KIF6: variants seen among roughly 807,000 people sequenced by gnomAD.
The protein encoded by KIF6 is kinesin-like protein KIF6.
KIF6 carries 106 observed loss-of-function variants against 112.7 expected under a neutral mutation model. That is an observed-to-expected ratio of 0.94 (90% CI 0.80 to 1.11). KIF6 has a LOEUF of 1.11. Among genes scored for constraint, KIF6 ranks in the 50% least tolerant of loss-of-function variants. KIF6 has a pLI of 0.00. For synonymous variants in KIF6, 339 were observed against 339.9 expected, an observed-to-expected ratio of 1.00 and a Z score of 0.03; for missense variants, 929 against 964.0, an observed-to-expected ratio of 0.96 and a Z score of 0.48.
chr6:39,659,697 G>C (rs1418179231), intron 3 of KIF6, among the ~76,000 whole-genome samples: 2 of 152,170 alleles, frequency 1.3e-5, no homozygotes, highest in Non-Finnish European at 2.9e-5. Flanking sequence ...ATGTGAAGAA[G>C]GACATGTTTG....
Position 39,725,279 on chromosome 6 carries a change from C to T in KIF6, c.32G>A (p.Arg11Lys), listed in dbSNP as rs971860140. The T allele has an allele frequency of 1.2e-6, 2 of 1,611,176 alleles. No individual in the cohort carries two copies. The highest frequency in any genetic ancestry group is 2.2e-5 in the East Asian group (1 of 44,538). ...GTGCTTCCGGACAGGGGGCTTCACC[C>T]TCGCGAATATCTGGATAGTCTGCTT... MVKQTIQIFA[R>K]VKPPVRKHQQ... The change falls in exon 1 of 23, where the codon AGG (arginine) becomes AAG (lysine). Residue 11 changes from arginine to lysine, a missense_variant. Arg to Lys is a conservative substitution (Grantham distance 26). Transcript: ENST00000287152.
At chr6:39,706,206 A>G (rs1789198509) in intron 3 of KIF6, among the ~76,000 whole-genome samples, 1 of 152,202 alleles carries the variant, frequency 6.6e-6, no homozygotes, top group Non-Finnish European at 1.5e-5. Flanking sequence ...ATCAAAAATT[A>G]TGAATAACTT....
chr6:39,354,154 G>T lies in KIF6; in HGVS notation c.2180+3123C>A. On this transcript the variant is annotated intron_variant, in intron 19 of 22. Coordinates refer to ENST00000287152, the MANE Select transcript of KIF6 (RefSeq NM_145027.6). ...AGGCATGGCTAGCATGTGACCTGCT[G>T]CCCTGCAACGGTGACCTGCTGGCTA... The T allele has an allele frequency of 1.2e-5, 4 of 341,664 alleles. 1 individual carries two copies. The highest frequency in any genetic ancestry group is 7.5e-5 in the South Asian group (3 of 40,116). 21.2% of individuals were successfully genotyped at this position (341,664 alleles called of 1,614,324 possible). A position where few individuals can be genotyped will look rare whatever the true frequency, so the allele number is the denominator to read the frequency against.
In KIF6 at chr6:39,725,390, CCA is replaced by C. The variant is rs1790489652; in HGVS notation, c.-82_-81del. 1.7e-6 allele frequency: 2 copies of C among 1,178,252 alleles called. No individual in the cohort carries two copies. The highest frequency in any genetic ancestry group is 3.7e-5 in the Admixed American group (2 of 54,414). The allele number at this position is 1,178,252 out of a possible 1,614,324, so 73.0% of individuals were successfully genotyped here. ...ACTAACTCCCACCACCTCCGGCGAC[CCA>C]CAGTCTTAGCAACAGTAGCTAGGGA... On this transcript the variant is annotated 5_prime_UTR_variant, in exon 1 of 23. Transcript: ENST00000287152.
chr6:39,385,773 G>A, intron 15 of KIF6, 101 bp from the exon 16 acceptor site: 1 of 756,580 alleles, frequency 1.3e-6, no homozygotes, highest in Non-Finnish European at 2.3e-6. Context: ...AAAAAAAAAG[G>A]TAGAGTAAGG....
At chr6:39,658,524 TTTA>T (rs1257834250) in intron 3 of KIF6, among the ~76,000 whole-genome samples, 2 of 152,212 alleles carry the variant, frequency 1.3e-5, no homozygotes, top group African/African-American at 4.8e-5. Context: ...TCCAATTCTA[TTTA>T]TTATTTTATT....
chr6:39,461,933 T>C (rs1020952715), intron 13 of KIF6, among the ~76,000 whole-genome samples: 3 of 152,204 alleles, frequency 2.0e-5, no homozygotes, highest in Non-Finnish European at 4.4e-5. Flanking sequence ...AAGAAAGTTG[T>C]ATGTAATAGA....
intron 10 of KIF6, among the ~76,000 whole-genome samples, chr6:39,572,834 A>C (rs1780720891): frequency 6.6e-6 from 1 of 151,154 alleles, no homozygotes; most frequent in African/African-American, 2.4e-5. Context: ...AAAAGATGTA[A>C]ACTAAAAATA....
At chr6:39,504,467 C>T (rs534070513) in intron 13 of KIF6, among the ~76,000 whole-genome samples, 1 of 152,294 alleles carries the variant, frequency 6.6e-6, no homozygotes, top group South Asian at 2.1e-4. Flanking sequence ...GTCACCACTC[C>T]TATTCAACAT....
chr6:39,374,222 AC>A (rs1766253054), intron 16 of KIF6, among the ~76,000 whole-genome samples: 1 of 152,208 alleles, frequency 6.6e-6, no homozygotes, highest in Non-Finnish European at 1.5e-5. Flanking sequence ...AAGAAAAATT[AC>A]CTCAAAATAG....
At chr6:39,557,042 A>C (rs1158303454) in intron 10 of KIF6, among the ~76,000 whole-genome samples, 1 of 152,122 alleles carries the variant, frequency 6.6e-6, no homozygotes, top group Non-Finnish European at 1.5e-5. Flanking sequence ...GAAAATGCAG[A>C]ACCTACATAC....
At chr6:39,505,347 A>C (rs1776366487) in intron 13 of KIF6, among the ~76,000 whole-genome samples, 1 of 152,208 alleles carries the variant, frequency 6.6e-6, no homozygotes, top group South Asian at 2.1e-4. Context: ...ACAAAAATCA[A>C]CTCAAGATGG....
chr6:39,490,818 C>A, intron 13 of KIF6, among the ~76,000 whole-genome samples: 1 of 151,972 alleles, frequency 6.6e-6, no homozygotes, highest in Non-Finnish European at 1.5e-5. Flanking sequence ...AAGATTCTGA[C>A]AATGTTCAAA....
intron 9 of KIF6, 40 bp from the exon 10 acceptor site, chr6:39,578,199 A>C: frequency 7.6e-7 from 1 of 1,310,248 alleles, no homozygotes; most frequent in Non-Finnish European, 1.1e-6. Context: ...TCAACTTCTC[A>C]TTAAGGTGAA....
In KIF6 at chr6:39,357,437, T is replaced by C. The variant is rs564028899; in HGVS notation, c.2083-63A>G. The C allele has an allele frequency of 7.8e-5, 83 of 1,062,716 alleles. No individual in the cohort carries two copies. The South Asian group carries it at 1.1e-3, about 14-fold the overall frequency. The allele number at this position is 1,062,716 out of a possible 1,614,324, so 65.8% of individuals were successfully genotyped here. A position where few individuals can be genotyped will look rare whatever the true frequency, so the allele number is the denominator to read the frequency against. ...AATCTAATGACATAGGAAGATGTTT[T>C]TGATGTAATTCTTTTTTTTTTTTTT... On this transcript the variant is annotated intron_variant, in intron 18 of 22. Transcript: ENST00000287152.
At chr6:39,358,073 A>G (rs1435629592) in intron 18 of KIF6, among the ~76,000 whole-genome samples, 1 of 152,230 alleles carries the variant, frequency 6.6e-6, no homozygotes, top group Non-Finnish European at 1.5e-5. Context: ...TCCACCGAGC[A>G]CTTTGTGTAG....
intron 3 of KIF6, among the ~76,000 whole-genome samples, chr6:39,652,587 A>C (rs1352672093): frequency 6.6e-6 from 1 of 152,108 alleles, no homozygotes; most frequent in Admixed American, 6.6e-5. Flanking sequence ...TTTAGTCTTA[A>C]AGCAATCACC....
chr6:39,561,394 C>A (rs186659604), intron 10 of KIF6, among the ~76,000 whole-genome samples: 16 of 152,172 alleles, frequency 1.1e-4, no homozygotes, highest in African/African-American at 1.4e-4. Flanking sequence ...CTCTCTCACC[C>A]AGGCTGGAGT....
At chr6:39,440,481 T>C (rs980164197) in intron 13 of KIF6, among the ~76,000 whole-genome samples, 1 of 152,164 alleles carries the variant, frequency 6.6e-6, no homozygotes, top group Non-Finnish European at 1.5e-5. Flanking sequence ...TTGGTAAGTG[T>C]TGACTTGGGT....
Sources: gnomAD v4.1 joint callset for allele counts (sites outside exome capture counted in the v4.1 genomes callset) on GRCh38, gnomAD v4.1.1 for gene constraint, MANE v1.5 for transcripts, NCBI Gene and HGNC (gene_info 2026-07-23, HGNC 2026-07-21) for gene names.